The following EXO1 variants were observed in gnomAD, a reference collection of about 807,000 sequenced individuals.
EXO1 encodes exonuclease 1.
Under a neutral mutation model 84.5 loss-of-function variants are expected in EXO1, and 69 were observed. That is an observed-to-expected ratio of 0.82 (90% CI 0.67 to 1.00). The LOEUF (loss-of-function observed/expected upper bound fraction) is 1.00, where lower values mean the gene tolerates loss of function less well. Among genes scored for constraint, EXO1 ranks in the 50% least tolerant of loss-of-function variants. EXO1 has a pLI of 0.00. For synonymous variants in EXO1, 373 were observed against 366.1 expected (o/e 1.02, Z -0.21); for missense variants, 1,045 against 1,000.7 (o/e 1.04, Z -0.60).
chr1:241,866,498 T>TTTTA (rs4149944), intron 10 of EXO1, among the ~76,000 whole-genome samples: 2,673 of 151,812 alleles, frequency 0.018, 27 homozygotes, highest in African/African-American at 0.027. Context: ...TTACGAAGAT[T>TTTTA]TTTATTTATT....
intron 15 of EXO1, among the ~76,000 whole-genome samples, chr1:241,885,786 G>T (rs1308502278): frequency 1.3e-4 from 20 of 151,674 alleles, no homozygotes; most frequent in Admixed American, 1.3e-3. Flanking sequence ...TAAGTCTCCT[G>T]CCTTCCTTTT....
intron 14 of EXO1, among the ~76,000 whole-genome samples, chr1:241,883,143 T>G (rs550797783): frequency 6.6e-6 from 1 of 152,350 alleles, no homozygotes; most frequent in East Asian, 1.9e-4. Flanking sequence ...GAGCATATAT[T>G]ATGTTTCTAG....
intron 10 of EXO1, among the ~76,000 whole-genome samples, chr1:241,866,034 G>C (rs1011805580): frequency 2.6e-5 from 4 of 151,936 alleles, no homozygotes; most frequent in African/African-American, 9.7e-5. Context: ...TTTTCCCTTT[G>C]GCTGTCCTTC....
chr1:241,872,047 A>G lies in EXO1; in HGVS notation c.1283A>G (p.Asp428Gly), dbSNP rs1226232757. 6.2e-7 allele frequency: 1 copy of G among 1,613,254 alleles called. No individual in the cohort carries two copies. Among genetic ancestry groups the G allele is most frequent in the African/African-American group, 1.3e-5 (1 of 74,870 alleles). ...KRPRSAELSE[D>G]DLLSQYSLSF... Reference sequence around the variant, plus strand: ...TTTTATTTAGCAGAGCTGTCAGAAGATGACCTGTTGAGTCAGTATTCTCTT... The same window carrying G: ...TTTTATTTAGCAGAGCTGTCAGAAGGTGACCTGTTGAGTCAGTATTCTCTT... The change falls in exon 12 of 16, where the codon GAT (aspartate) becomes GGT (glycine). Residue 428 changes from aspartate to glycine, a missense_variant. Coordinates refer to ENST00000366548, the MANE Select transcript of EXO1 (RefSeq NM_130398.4).
At chr1:241,852,081 T>C (rs909299575) in intron 4 of EXO1, among the ~76,000 whole-genome samples, 27 of 152,216 alleles carry the variant, frequency 1.8e-4, no homozygotes, top group African/African-American at 6.0e-4. Flanking sequence ...GGTCAAGTAG[T>C]TCACCAGACA....
chr1:241,889,088 T>A (rs538870591), intron 15 of EXO1, among the ~76,000 whole-genome samples: 7,313 of 151,498 alleles, frequency 0.048, 534 homozygotes, highest in African/African-American at 0.17. Flanking sequence ...AAAAAAATAA[T>A]AATAAGATTT....
intron 10 of EXO1, among the ~76,000 whole-genome samples, chr1:241,861,753 G>C (rs1661400545): frequency 6.6e-6 from 1 of 152,134 alleles, no homozygotes; most frequent in South Asian, 2.1e-4. Context: ...CATTTCATTT[G>C]AATATACCAA....
rs1273249255 is a variant in EXO1, at chr1:241,855,358, A to G, written c.405+1877A>G. 2.0e-5 allele frequency among the ~76,000 whole-genome samples: 3 copies of G among 152,216 alleles called. 1 individual carries two copies. The highest frequency in any genetic ancestry group is 4.1e-4 in the South Asian group (2 of 4,828). Reference sequence around the variant, plus strand: ...CAGAGCAGCTAGATACAGAGTGTCTATTGGTGCATTCACAAACCCTGAGCT... The same window carrying G: ...CAGAGCAGCTAGATACAGAGTGTCTGTTGGTGCATTCACAAACCCTGAGCT... On this transcript the variant is annotated intron_variant, in intron 6 of 15. Coordinates refer to ENST00000366548, the MANE Select transcript of EXO1 (RefSeq NM_130398.4).
intron 11 of EXO1, among the ~76,000 whole-genome samples, chr1:241,868,151 G>C (rs1363962183): frequency 6.6e-6 from 1 of 152,040 alleles, no homozygotes; most frequent in Admixed American, 6.5e-5. Flanking sequence ...GAGGCAGGCA[G>C]ATCACTTGAG....
chr1:241,875,802 C>T (rs563980464), intron 12 of EXO1, among the ~76,000 whole-genome samples: 3 of 152,260 alleles, frequency 2.0e-5, no homozygotes, highest in Admixed American at 6.5e-5. Flanking sequence ...CGCTTGAACC[C>T]GGGAGGCGGA....
rs34121929 is a variant in EXO1 at position 241,866,562 on chromosome 1, A to ATT, written c.1042-249_1042-248dup. On this transcript the variant is annotated intron_variant, in intron 10 of 15. Coordinates refer to ENST00000366548, the MANE Select transcript of EXO1 (RefSeq NM_130398.4). ...TTTCTACAGCTGCTAGCAACTCTTG[A>ATT]TTTTTTTTTTTTTTTTTTTTAGAAA... Among the ~76,000 whole-genome samples, 336 of 119,110 alleles carry ATT rather than the reference A, an allele frequency of 2.8e-3. 6 individuals are homozygous for ATT. The highest frequency in any genetic ancestry group is 0.016 in the East Asian group (63 of 4,052). 78.1% of individuals were successfully genotyped at this position (119,110 alleles called of 152,430 possible).
intron 15 of EXO1, 95 bp downstream of exon 15, chr1:241,885,602 T>G (rs1458159839): frequency 1.1e-6 from 1 of 935,420 alleles, no homozygotes; most frequent in South Asian, 1.3e-5. Context: ...TTCGTATGAG[T>G]TTTTGTTTCT....
chr1:241,874,746 G>A (rs912014337), intron 12 of EXO1, among the ~76,000 whole-genome samples: 2 of 152,178 alleles, frequency 1.3e-5, no homozygotes, highest in African/African-American at 2.4e-5. Flanking sequence ...CAGCCTTAGG[G>A]CCGATGAAAG....
chr1:241,864,572 C>T (rs577136304), intron 10 of EXO1, among the ~76,000 whole-genome samples: 15 of 152,306 alleles, frequency 9.8e-5, no homozygotes, highest in South Asian at 6.2e-4. Context: ...TTCTCTCTTT[C>T]GTTAGTCATT....
At chr1:241,855,301 A>T (rs4149889) in intron 6 of EXO1, among the ~76,000 whole-genome samples, 12,157 of 152,158 alleles carry the variant, frequency 0.08, 720 homozygotes, top group Admixed American at 0.19. Context: ...AGTTAGATAC[A>T]GTGTCTACAC....
intron 8 of EXO1, among the ~76,000 whole-genome samples, 194 bp downstream of exon 8, chr1:241,858,912 T>C (rs1171848885): frequency 6.6e-6 from 1 of 152,180 alleles, no homozygotes; most frequent in Non-Finnish European, 1.5e-5. Flanking sequence ...TTTTCTGCAA[T>C]TGGCAAAAAA....
chr1:241,874,224 C>T (rs192349098), intron 12 of EXO1, among the ~76,000 whole-genome samples: 2 of 152,226 alleles, frequency 1.3e-5, no homozygotes, highest in Admixed American at 1.3e-4. Context: ...AATGGGGAAA[C>T]CCCGTCCTTC....
At chr1:241,850,003 C>T (rs1467164088) in intron 3 of EXO1, among the ~76,000 whole-genome samples, 1 of 152,214 alleles carries the variant, frequency 6.6e-6, no homozygotes, top group African/African-American at 2.4e-5. Flanking sequence ...AATTTCTGGC[C>T]GGGCGCGGTG....
intron 12 of EXO1, among the ~76,000 whole-genome samples, chr1:241,873,343 T>A (rs886116829): frequency 6.6e-6 from 1 of 152,178 alleles, no homozygotes; most frequent in African/African-American, 2.4e-5. Flanking sequence ...ATTACTGTCT[T>A]ATCATGTATT....
Sources: allele counts gnomAD v4.1 joint callset (sites outside exome capture counted in the v4.1 genomes callset), GRCh38; gene constraint gnomAD v4.1.1; transcripts MANE v1.5; gene names NCBI Gene and HGNC (gene_info 2026-07-23, HGNC 2026-07-21).